Variants in HIVEP3 observed in about 807,000 individuals in gnomAD.
HIVEP3 encodes the protein transcription factor HIVEP3.
HIVEP3 carries 49 observed loss-of-function variants against 152.8 expected under a neutral mutation model. The observed-to-expected ratio is 0.32, with a 90% CI of 0.26 to 0.41. The LOEUF (loss-of-function observed/expected upper bound fraction) is 0.41. Among genes scored for constraint, HIVEP3 ranks in the 10% least tolerant of loss-of-function variants. The pLI, the probability that HIVEP3 is intolerant of heterozygous loss-of-function variation, is 1.00. For synonymous variants in HIVEP3, 1,269 were observed against 1,289.0 expected, an observed-to-expected ratio of 0.98 and a Z score of 0.33; for missense variants, 2,790 against 3,103.3, an observed-to-expected ratio of 0.90 and a Z score of 2.40.
chr1:41,782,262 A>T (rs1649089093), intron 1 of HIVEP3, among the ~76,000 whole-genome samples: 1 of 152,242 alleles, frequency 6.6e-6, no homozygotes, highest in South Asian at 2.1e-4. Context: ...AGAGTAGTCA[A>T]ATTCATAGAG....
intron 1 of HIVEP3, among the ~76,000 whole-genome samples, chr1:42,018,037 T>A (rs1238302059): frequency 6.6e-6 from 1 of 152,176 alleles, no homozygotes; most frequent in Non-Finnish European, 1.5e-5. Context: ...GCAATTGATA[T>A]AACTTTTAAC....
At chr1:41,750,615 C>T (rs995517135) in intron 1 of HIVEP3, among the ~76,000 whole-genome samples, 1 of 152,166 alleles carries the variant, frequency 6.6e-6, no homozygotes, top group Non-Finnish European at 1.5e-5. Context: ...AGGCTTCCCA[C>T]CTGCAGTTAC....
intron 1 of HIVEP3, among the ~76,000 whole-genome samples, chr1:41,901,267 T>C (rs1053214714): frequency 1.3e-5 from 2 of 151,978 alleles, no homozygotes; most frequent in African/African-American, 4.8e-5. Context: ...TGGTCATGCA[T>C]GTGGGAAGGT....
At chr1:41,819,696 G>A (rs1002096453) in intron 1 of HIVEP3, among the ~76,000 whole-genome samples, 7 of 152,044 alleles carry the variant, frequency 4.6e-5, no homozygotes, top group Non-Finnish European at 5.9e-5. Context: ...ATTGCTTTGC[G>A]GTCAGAGACA....
intron 1 of HIVEP3, among the ~76,000 whole-genome samples, chr1:41,950,345 G>A (rs1383910457): frequency 3.9e-5 from 6 of 151,960 alleles, no homozygotes; most frequent in Non-Finnish European, 8.8e-5. Context: ...AAAAAAAAAC[G>A]TGGTACCATG....
chr1:41,625,593 G>A (rs1329490237), intron 3 of HIVEP3, among the ~76,000 whole-genome samples: 1 of 152,188 alleles, frequency 6.6e-6, no homozygotes, highest in Admixed American at 6.5e-5. Flanking sequence ...TAGACAGCCA[G>A]GTGTGGTGGT....
At chr1:41,965,218 A>G (rs2124500422) in intron 1 of HIVEP3, among the ~76,000 whole-genome samples, 1 of 152,332 alleles carries the variant, frequency 6.6e-6, no homozygotes, top group East Asian at 1.9e-4. Flanking sequence ...CAACAACATC[A>G]ACAAAAAAGA....
Position 41,513,659 on chromosome 1 carries a change from G to C in HIVEP3, c.5562C>G (p.Asp1854Glu), listed in dbSNP as rs1255788200. 6.2e-7 allele frequency: 1 copy of C among 1,613,608 alleles called. No individual in the cohort carries two copies. Among genetic ancestry groups the C allele is most frequent in the Non-Finnish European group, 8.5e-7 (1 of 1,179,890 alleles). ...CGTCTTCGTCCAGGTCTGAGTCTGA[G>C]TCCGAGTCCTCCAGGTCCGAAAACT... ...EHQFSDLEDS[D>E]SDSDLDEDED... is the part of the protein sequence containing the mutation. Residue 1854 changes from aspartate (D) to glutamate (E), a missense_variant, in exon 8 of 9, where the codon GAC becomes GAG. By Grantham distance (45) the Asp-to-Glu change is conservative. Coordinates refer to ENST00000372583, the MANE Select transcript of HIVEP3 (RefSeq NM_024503.5).
chr1:42,017,711 T>C (rs1029095128), intron 1 of HIVEP3, among the ~76,000 whole-genome samples: 5 of 152,192 alleles, frequency 3.3e-5, no homozygotes, highest in African/African-American at 1.2e-4. Flanking sequence ...ATGAATATTA[T>C]GAATGCTATG....
At chr1:41,808,707 T>C (rs910265832) in intron 1 of HIVEP3, among the ~76,000 whole-genome samples, 3 of 152,240 alleles carry the variant, frequency 2.0e-5, no homozygotes, top group African/African-American at 7.2e-5. Flanking sequence ...ACTTCCTTTA[T>C]TTATTTTTCA....
At chr1:41,541,068 G>A (rs1232742836) in intron 5 of HIVEP3, among the ~76,000 whole-genome samples, 1 of 152,168 alleles carries the variant, frequency 6.6e-6, no homozygotes, top group East Asian at 1.9e-4. Context: ...GACGCTGCGA[G>A]TGCAGTGGTT....
At chr1:41,867,823 C>T (rs1644006100) in intron 1 of HIVEP3, among the ~76,000 whole-genome samples, 1 of 152,204 alleles carries the variant, frequency 6.6e-6, no homozygotes, top group African/African-American at 2.4e-5. Context: ...TCAGTTCTAT[C>T]TGAAGGCAGA....
intron 1 of HIVEP3, among the ~76,000 whole-genome samples, chr1:41,774,131 T>C (rs1648543164): frequency 6.6e-6 from 1 of 152,204 alleles, no homozygotes; most frequent in South Asian, 2.1e-4. Flanking sequence ...TTTCTAGTGA[T>C]TGTGAGGTTC....
At chr1:41,569,726 T>C (rs563769781) in intron 5 of HIVEP3, among the ~76,000 whole-genome samples, 85 of 152,048 alleles carry the variant, frequency 5.6e-4, no homozygotes, top group African/African-American at 2.0e-3. Flanking sequence ...TGTGTGCACA[T>C]ACACAGGCAC....
At chr1:41,545,297 CACCTCT>C (rs1643731916) in intron 5 of HIVEP3, among the ~76,000 whole-genome samples, 1 of 147,088 alleles carries the variant, frequency 6.8e-6, no homozygotes, top group Non-Finnish European at 1.5e-5. Context: ...CCACCATCAC[CACCTCT>C]ACCACCATCG....
intron 1 of HIVEP3, among the ~76,000 whole-genome samples, chr1:42,020,231 CTTT>C (rs1314578690): frequency 2.0e-5 from 3 of 151,634 alleles, no homozygotes; most frequent in Non-Finnish European, 4.4e-5. Flanking sequence ...GGAAATGTTA[CTTT>C]TTTTTCTATT....
chr1:41,887,519 C>T (rs1197658015), intron 1 of HIVEP3, among the ~76,000 whole-genome samples: 4 of 152,194 alleles, frequency 2.6e-5, no homozygotes, highest in Non-Finnish European at 5.9e-5. Context: ...ACTTTGGGAT[C>T]CCCTGAACTT....
chr1:41,949,550 A>G (rs1011640485), intron 1 of HIVEP3, among the ~76,000 whole-genome samples: 1 of 152,180 alleles, frequency 6.6e-6, no homozygotes, highest in Non-Finnish European at 1.5e-5. Context: ...CAGAATCGTC[A>G]CCGAGAAAGT....
intron 1 of HIVEP3, among the ~76,000 whole-genome samples, chr1:41,749,432 G>GTGTGTGT (rs57099184): frequency 6.6e-6 from 1 of 151,036 alleles, no homozygotes; most frequent in South Asian, 2.1e-4. Context: ...GTGTGTGTGT[G>GTGTGTGT]ATGGAGAGAC....
Sources: gnomAD v4.1 joint callset for allele counts (sites outside exome capture counted in the v4.1 genomes callset) on GRCh38, gnomAD v4.1.1 for gene constraint, MANE v1.5 for transcripts, NCBI Gene and HGNC (gene_info 2026-07-23, HGNC 2026-07-21) for gene names.